The following TRPS1 variants were observed in gnomAD, a reference collection of about 807,000 sequenced individuals.
TRPS1 encodes zinc finger transcription factor Trps1.
In TRPS1, 6 loss-of-function variants were observed where a neutral mutation model predicts 101.2. The observed-to-expected ratio is 0.06, with a 90% CI of 0.03 to 0.12. The LOEUF is 0.12. TRPS1 is among the 10% of genes least tolerant of loss of function. The pLI is 1.00. For missense variants in TRPS1, 1,363 were observed against 1,567.0 expected (o/e 0.87, Z 2.20); for synonymous variants, 578 against 589.8 (o/e 0.98, Z 0.29).
intron 1 of TRPS1, among the ~76,000 whole-genome samples, chr8:115,628,347 A>G (rs548221689): frequency 3.3e-5 from 5 of 151,930 alleles, no homozygotes; most frequent in East Asian, 1.9e-4. Context: ...GGTACAAAAT[A>G]CAAAATTTGG....
chr8:115,621,415 T>C (rs1818389780), intron 2 of TRPS1, among the ~76,000 whole-genome samples: 1 of 152,190 alleles, frequency 6.6e-6, no homozygotes, highest in Non-Finnish European at 1.5e-5. Context: ...TGAGGTTTAG[T>C]CATTTTCATC....
chr8:115,474,983 T>C (rs1814564596), intron 5 of TRPS1, among the ~76,000 whole-genome samples: 1 of 152,002 alleles, frequency 6.6e-6, no homozygotes, highest in African/African-American at 2.4e-5. Context: ...TAGAATGAAC[T>C]TTCTTTCTTC....
At chr8:115,668,480 G>GCCCGCGCCC (rs888013428) in intron 1 of TRPS1, 65 bp downstream of exon 1, 19 of 145,138 alleles carry the variant, frequency 1.3e-4, no homozygotes, top group South Asian at 1.2e-3. Flanking sequence ...GCCGAGGGGC[G>GCCCGCGCCC]CCCGCGCCCC....
chr8:115,488,389 G>A (rs978147950), intron 5 of TRPS1, among the ~76,000 whole-genome samples: 8 of 152,156 alleles, frequency 5.3e-5, no homozygotes, highest in Non-Finnish European at 1.2e-4. Context: ...GTATGCCTGT[G>A]TGATATAAAT....
intron 1 of TRPS1, among the ~76,000 whole-genome samples, chr8:115,644,032 C>A (rs1015210188): frequency 1.3e-5 from 2 of 152,148 alleles, no homozygotes; most frequent in African/African-American, 4.8e-5. Context: ...CAGTGCACTT[C>A]AACTATTCAG....
chr8:115,548,653 A>C (rs1816634992), intron 5 of TRPS1, among the ~76,000 whole-genome samples: 1 of 152,220 alleles, frequency 6.6e-6, no homozygotes, highest in African/African-American at 2.4e-5. Flanking sequence ...AGAGAGAAAG[A>C]AGCCAGCCAG....
rs552991384 is a variant in TRPS1 at position 115,606,265 on chromosome 8, T to C, written c.967-1263A>G. On this transcript the variant is annotated intron_variant, in intron 3 of 6. Transcript: ENST00000395715. ...GTACCTCTATTGTACAGGACTAAGA[T>C]TGAAGTATTCTTTTTGCTATTAAAA... is the stretch of plus-strand genomic sequence containing the variant. 3.0e-4 allele frequency among the ~76,000 whole-genome samples: 46 copies of C among 152,306 alleles called. No homozygotes were observed. The South Asian group carries it at 8.7e-3, about 29-fold the overall frequency.
intron 1 of TRPS1, among the ~76,000 whole-genome samples, chr8:115,640,289 G>A (rs1485302110): frequency 6.6e-6 from 1 of 152,148 alleles, no homozygotes; most frequent in East Asian, 1.9e-4. Flanking sequence ...TGGTAAAAGA[G>A]ACACAGGTTC....
intron 5 of TRPS1, among the ~76,000 whole-genome samples, chr8:115,449,795 A>G (rs933415539): frequency 3.3e-5 from 5 of 152,222 alleles, no homozygotes; most frequent in African/African-American, 9.7e-5. Flanking sequence ...GATCAGTCCA[A>G]TAATGGCATA....
At chr8:115,547,641 A>G (rs572270055) in intron 5 of TRPS1, among the ~76,000 whole-genome samples, 2 of 152,232 alleles carry the variant, frequency 1.3e-5, no homozygotes, top group African/African-American at 4.8e-5. Context: ...GCCTCCCTCT[A>G]GAGAGACTCT....
intron 5 of TRPS1, among the ~76,000 whole-genome samples, chr8:115,574,306 T>C (rs1220085130): frequency 6.6e-6 from 1 of 152,178 alleles, no homozygotes; most frequent in African/African-American, 2.4e-5. Flanking sequence ...GTCTAGTGAA[T>C]ATCTGTTCTT....
At chr8:115,463,325 C>T (rs947293428) in intron 5 of TRPS1, among the ~76,000 whole-genome samples, 6 of 152,096 alleles carry the variant, frequency 3.9e-5, no homozygotes, top group African/African-American at 1.4e-4. Context: ...TTAGTATAAG[C>T]AATTTGAAAA....
chr8:115,645,877 A>G (rs1049364097), intron 1 of TRPS1, among the ~76,000 whole-genome samples: 1 of 152,174 alleles, frequency 6.6e-6, no homozygotes, highest in East Asian at 1.9e-4. Flanking sequence ...CAAACATAAC[A>G]GAGCTTTTGA....
At chr8:115,475,180 T>C (rs1246435422) in intron 5 of TRPS1, among the ~76,000 whole-genome samples, 2 of 150,856 alleles carry the variant, frequency 1.3e-5, no homozygotes, top group East Asian at 3.9e-4. Context: ...CACATCTAGT[T>C]ATGTACTGGT....
chr8:115,668,449 C>T (rs1274357082), intron 1 of TRPS1, 96 bp downstream of exon 1: 1 of 144,918 alleles, frequency 6.9e-6, no homozygotes, highest in Non-Finnish European at 1.5e-5. Flanking sequence ...GCTGCACTCG[C>T]GTCGCGGCGC....
At position 115,619,892 on chromosome 8, in the gene TRPS1, T is replaced by C. The variant is rs886062624; in HGVS notation, c.206A>G (p.His69Arg). The part of the protein sequence containing the change: ...TDQSDAAELN[H>R]KEEHSLHVQD... ...AACATGCAAGCTATGTTCCTCCTTA[T>C]GATTTAGTTCTGCAGCATCACTCTG... The change falls in exon 3 of 7, where the codon CAT (histidine) becomes CGT (arginine). Residue 69 changes from histidine (H) to arginine (R), a missense_variant. His to Arg is a conservative substitution (Grantham distance 29, BLOSUM62 0). Around this residue, in one of 5 missense-constraint regions of TRPS1, gnomAD observed 1,020 missense variants for 1,073.0 expected, o/e 0.95. Transcript: ENST00000395715. 2 of 1,614,226 alleles carry C rather than the reference T, an allele frequency of 1.2e-6. No individual in the cohort carries two copies. The highest frequency in any genetic ancestry group is 1.3e-5 in the African/African-American group (1 of 75,068).
At chr8:115,432,278 G>A (rs899706105) in intron 5 of TRPS1, among the ~76,000 whole-genome samples, 9 of 151,670 alleles carry the variant, frequency 5.9e-5, no homozygotes, top group African/African-American at 1.9e-4. Flanking sequence ...TTTAAAACAC[G>A]TGCAGTTACT....
chr8:115,655,155 G>A (rs1223010503), intron 1 of TRPS1, among the ~76,000 whole-genome samples: 2 of 152,112 alleles, frequency 1.3e-5, no homozygotes, highest in African/African-American at 4.8e-5. Context: ...GCTCAAGTCC[G>A]TTCTGTCACT....
chr8:115,512,916 T>C (rs1392421161), intron 5 of TRPS1, among the ~76,000 whole-genome samples: 1 of 151,680 alleles, frequency 6.6e-6, no homozygotes. Context: ...CAAGTATTGT[T>C]ATGGGGAATG....
Sources: allele counts gnomAD v4.1 joint callset (sites outside exome capture counted in the v4.1 genomes callset), GRCh38; gene constraint gnomAD v4.1.1; regional missense constraint gnomAD v4.1.1; transcripts MANE v1.5; gene names NCBI Gene and HGNC (gene_info 2026-07-23, HGNC 2026-07-21).